Variants in PRR23E observed in about 807,000 individuals in gnomAD.
The protein encoded by PRR23E is PRR23 family member E.
the PRR23E span, chr3:127,196,960 C>A: frequency 1.3e-5 from 21 of 1,599,428 alleles, no homozygotes; most frequent in South Asian, 2.1e-4. Flanking sequence ...ATGGGTTATC[C>A]CCCTCCAGCT....
the PRR23E span, chr3:127,196,890 C>CCA: frequency 3.8e-6 from 6 of 1,599,434 alleles, no homozygotes; most frequent in Non-Finnish European, 5.1e-6. Context: ...GGGATTTTCC[C>CCA]CACAAGCTTA....
chr3:127,194,145 T>G, the PRR23E span, among the ~76,000 whole-genome samples: 3 of 152,304 alleles, frequency 2.0e-5, no homozygotes, highest in African/African-American at 7.2e-5. Flanking sequence ...GCCTGTATTT[T>G]CTTGTCTTGG....
chr3:127,195,647 A>G, the PRR23E span, among the ~76,000 whole-genome samples: 1 of 152,062 alleles, frequency 6.6e-6, no homozygotes, highest in African/African-American at 2.4e-5. Flanking sequence ...GTTTCCAGTC[A>G]GCTGTGCCTC....
the PRR23E span, chr3:127,196,498 T>C: frequency 3.3e-6 from 3 of 921,238 alleles, no homozygotes; most frequent in South Asian, 5.8e-5. Context: ...TTGGCTCTTC[T>C]GTCACCTCAC....
At chr3:127,194,282 T>C in the PRR23E span, among the ~76,000 whole-genome samples, 1 of 152,074 alleles carries the variant, frequency 6.6e-6, no homozygotes, top group African/African-American at 2.4e-5. Flanking sequence ...GAAGAAGAAT[T>C]GTCTTGGGCC....
the PRR23E span, chr3:127,196,667 A>G: frequency 1.3e-6 from 2 of 1,570,948 alleles, no homozygotes; most frequent in Non-Finnish European, 1.7e-6. Flanking sequence ...GGGGCTTTGA[A>G]GAGCACAGCT....
At chr3:127,196,378 T>A in the PRR23E span, among the ~76,000 whole-genome samples, 1 of 152,198 alleles carries the variant, frequency 6.6e-6, no homozygotes, top group Non-Finnish European at 1.5e-5. Context: ...CTTGTTTTGA[T>A]GTCCCTAGAA....
chr3:127,197,700 A>T, the PRR23E span: 2 of 296,556 alleles, frequency 6.7e-6, no homozygotes, highest in African/African-American at 4.3e-5. Context: ...ACATGCATGC[A>T]TGCAACCTTG....
the PRR23E span, among the ~76,000 whole-genome samples, chr3:127,195,108 T>C: frequency 1.3e-5 from 2 of 152,104 alleles, no homozygotes; most frequent in Non-Finnish European, 2.9e-5. Context: ...AGATCTCCAG[T>C]TTCCGCTGTA....
At chr3:127,198,088 C>A in the PRR23E span, 8 of 152,296 alleles carry the variant, frequency 5.3e-5, no homozygotes, top group African/African-American at 1.9e-4. Context: ...TCTTCTCACT[C>A]CTCACCCCAT....
the PRR23E span, chr3:127,197,909 G>A: frequency 6.6e-6 from 1 of 152,634 alleles, no homozygotes. Flanking sequence ...GCATTGGTGT[G>A]TCCTCCAGGG....
chr3:127,197,359 C>T, the PRR23E span: 6 of 1,586,796 alleles, frequency 3.8e-6, no homozygotes, highest in Non-Finnish European at 4.3e-6. Context: ...CCGGGCTGCT[C>T]CCGCTCCTCC....
At chr3:127,194,913 A>G in the PRR23E span, among the ~76,000 whole-genome samples, 7 of 152,078 alleles carry the variant, frequency 4.6e-5, no homozygotes. Flanking sequence ...GAGGAAATGA[A>G]TGCTTCTTCA....
the PRR23E span, chr3:127,193,298 G>A: frequency 6.6e-6 from 1 of 152,032 alleles, no homozygotes; most frequent in Non-Finnish European, 1.5e-5. Flanking sequence ...AAAGAACAAA[G>A]TTAGCCTTAT....
chr3:127,193,366 C>G, the PRR23E span: 1 of 152,346 alleles, frequency 6.6e-6, no homozygotes, highest in South Asian at 2.1e-4. Flanking sequence ...CCATCCTCTC[C>G]GCACTCTCCC....
At chr3:127,195,232 A>G in the PRR23E span, among the ~76,000 whole-genome samples, 2 of 152,086 alleles carry the variant, frequency 1.3e-5, no homozygotes, top group East Asian at 1.9e-4. Flanking sequence ...CAAGACAGAA[A>G]CTTGAACATC....
chr3:127,197,340 C>T, the PRR23E span: 1 of 1,596,462 alleles, frequency 6.3e-7, no homozygotes, highest in Non-Finnish European at 8.5e-7. Context: ...TGAAGATTCT[C>T]AGCTGGACCC....
the PRR23E span, among the ~76,000 whole-genome samples, chr3:127,196,126 T>C: frequency 6.6e-6 from 1 of 152,164 alleles, no homozygotes; most frequent in Non-Finnish European, 1.5e-5. Context: ...TCCTGCTTTG[T>C]GGGGCAAGCA....
At chr3:127,196,521 C>G in the PRR23E span, 2 of 1,146,528 alleles carry the variant, frequency 1.7e-6, no homozygotes, top group Non-Finnish European at 2.4e-6. Flanking sequence ...CCAGCTGTCC[C>G]CCTCCTCCCA....
Sources: gnomAD v4.1 joint callset for allele counts (sites outside exome capture counted in the v4.1 genomes callset) on GRCh38, gnomAD v4.1.1 for gene constraint, MANE v1.5 for transcripts, NCBI Gene and HGNC (gene_info 2026-07-23, HGNC 2026-07-21) for gene names.